RAD54L2: variants seen among roughly 807,000 people sequenced by gnomAD.
The protein encoded by RAD54L2 is RAD54 like 2.
A neutral mutation model predicts 138.4 loss-of-function variants in RAD54L2; 27 were observed. The ratio of observed to expected loss-of-function variants is 0.20; its 90% confidence interval spans 0.14 to 0.27. The LOEUF (loss-of-function observed/expected upper bound fraction) is 0.27, where lower values mean the gene tolerates loss of function less well. Among genes scored for constraint, RAD54L2 ranks in the 10% least tolerant of loss-of-function variants. The pLI, the probability that RAD54L2 is intolerant of heterozygous loss-of-function variation, is 1.00. For synonymous variants in RAD54L2, 644 were observed against 723.2 expected (o/e 0.89, Z 1.76); for missense variants, 1,396 against 1,890.2 (o/e 0.74, Z 4.85).
chr3:51,651,001 G>A (rs1005608261), intron 19 of RAD54L2, among the ~76,000 whole-genome samples: 6 of 152,088 alleles, frequency 3.9e-5, no homozygotes, highest in Admixed American at 6.5e-5. Context: ...TCAGGAGCTG[G>A]TTTTTTGAAA....
intron 3 of RAD54L2, among the ~76,000 whole-genome samples, chr3:51,609,698 TTGTGTG>T (rs5848928): frequency 0.04 from 5,602 of 140,766 alleles, 174 homozygotes; most frequent in African/African-American, 0.086. Flanking sequence ...TTGTGGGCAT[TTGTGTG>T]TGTGTGTGTG....
At chr3:51,557,233 A>G (rs1269319373) in intron 2 of RAD54L2, among the ~76,000 whole-genome samples, 5 of 131,306 alleles carry the variant, frequency 3.8e-5, no homozygotes, top group Non-Finnish European at 1.5e-5. Context: ...TCTGTTGCCC[A>G]GGCTGGCATG....
intron 21 of RAD54L2, 133 bp from the exon 22 acceptor site, chr3:51,659,893 T>C (rs1465314911): frequency 2.0e-5 from 11 of 560,830 alleles, no homozygotes; most frequent in Non-Finnish European, 3.5e-5. Context: ...CCACTTCTTA[T>C]TTCAGGGGTC....
chr3:51,549,977 T>C (rs1001956696), intron 2 of RAD54L2, among the ~76,000 whole-genome samples: 1 of 152,124 alleles, frequency 6.6e-6, no homozygotes, highest in Non-Finnish European at 1.5e-5. Context: ...CCCCAGGTAT[T>C]AGAACCCTTT....
At position 51,638,388 on chromosome 3, in the gene RAD54L2, T is replaced by A; in HGVS notation, c.1860+67T>A. 1 of 1,569,100 alleles carries A rather than the reference T, an allele frequency of 6.4e-7. No homozygotes were observed. Among genetic ancestry groups the A allele is most frequent in the Non-Finnish European group, 8.7e-7 (1 of 1,146,048 alleles). On this transcript the variant is annotated intron_variant, in intron 12 of 22. Coordinates refer to ENST00000684192, the MANE Select transcript of RAD54L2 (RefSeq NM_015106.4). The surrounding 1 kb of genome is among the most constrained non-coding windows in gnomAD (Gnocchi z 4.3). ...ATACACATGGTCCCAAGGGAGTTAC[T>A]CCTACTGAGAGTCTTCAATAAAGGG...
At chr3:51,578,556 CT>C (rs1699533649) in intron 2 of RAD54L2, among the ~76,000 whole-genome samples, 1 of 152,170 alleles carries the variant, frequency 6.6e-6, no homozygotes, top group Admixed American at 6.5e-5. Flanking sequence ...AGGATATTTC[CT>C]TGACCCCCTC....
At chr3:51,580,101 C>CAGT (rs1699573984) in intron 2 of RAD54L2, among the ~76,000 whole-genome samples, 1 of 152,128 alleles carries the variant, frequency 6.6e-6, no homozygotes, top group African/African-American at 2.4e-5. Flanking sequence ...ACAACACCCC[C>CAGT]ACTTTAGACA....
intron 10 of RAD54L2, chr3:51,636,958 G>T (rs932343074): frequency 3.4e-6 from 2 of 588,654 alleles, no homozygotes; most frequent in East Asian, 2.8e-5. Context: ...AGAGTCAACT[G>T]CCAGATTAGC....
In RAD54L2 at chr3:51,663,592, GGC is replaced by G; in HGVS notation, c.*173_*174del. 14 of 101,186 alleles carry G rather than the reference GGC, an allele frequency of 1.4e-4. 1 individual carries two copies. The highest frequency in any genetic ancestry group is 5.7e-4 in the Admixed American group (4 of 7,056). 6.3% of individuals were successfully genotyped at this position (101,186 alleles called of 1,614,324 possible). A position where few individuals can be genotyped will look rare whatever the true frequency, so the allele number is the denominator to read the frequency against. On this transcript the variant is annotated 3_prime_UTR_variant, in exon 23 of 23. Coordinates refer to ENST00000684192, the MANE Select transcript of RAD54L2 (RefSeq NM_015106.4). ...AGCTCTGTTGCTGTTTAACAAAAGA[GGC>G]AAAAAAAAAAAAAAAAAAAAAAAAG...
chr3:51,588,864 ACTC>A (rs891756311), intron 2 of RAD54L2, among the ~76,000 whole-genome samples: 14 of 151,830 alleles, frequency 9.2e-5, no homozygotes, highest in Middle Eastern at 6.8e-3. Flanking sequence ...ACTCCCAGCC[ACTC>A]CTCCTCTGCC....
rs1200172776 is a variant in RAD54L2 at position 51,664,581 on chromosome 3, G to A, written c.*1161G>A. 1.3e-5 allele frequency: 2 copies of A among 152,144 alleles called. No homozygotes were observed. The highest frequency in any genetic ancestry group is 2.4e-5 in the African/African-American group (1 of 41,414). The allele number at this position is 152,144 out of a possible 1,614,324, so 9.4% of individuals were successfully genotyped here. On this transcript the variant is annotated 3_prime_UTR_variant, in exon 23 of 23. Transcript: ENST00000684192. ...GGGAGGTTAGGGGTAAGGAGGGTAG[G>A]TGATAGAAAGGGAAGTTTTAAGATA...
At chr3:51,593,378 G>C (rs1699881522) in intron 3 of RAD54L2, among the ~76,000 whole-genome samples, 1 of 150,962 alleles carries the variant, frequency 6.6e-6, no homozygotes, top group Non-Finnish European at 1.5e-5. Context: ...TGTCGCCCAG[G>C]CTGGAGTGCA....
At chr3:51,603,233 A>G (rs1456144930) in intron 3 of RAD54L2, among the ~76,000 whole-genome samples, 1 of 151,282 alleles carries the variant, frequency 6.6e-6, no homozygotes, top group East Asian at 1.9e-4. Flanking sequence ...CACTTGAGCC[A>G]GGAGGTTGAG....
At chr3:51,610,639 C>CAAA (rs538225499) in intron 3 of RAD54L2, among the ~76,000 whole-genome samples, 1 of 59,074 alleles carries the variant, frequency 1.7e-5, no homozygotes, top group Non-Finnish European at 3.5e-5. Flanking sequence ...GACTCCATCT[C>CAAA]AAAAAAAAAA....
At chr3:51,572,472 G>C (rs747048716) in intron 2 of RAD54L2, among the ~76,000 whole-genome samples, 20 of 147,532 alleles carry the variant, frequency 1.4e-4, no homozygotes, top group Non-Finnish European at 1.9e-4. Context: ...AAAAAAAAAG[G>C]CTGGACATGG....
At chr3:51,605,455 T>TG (rs1370231819) in intron 3 of RAD54L2, among the ~76,000 whole-genome samples, 2 of 147,260 alleles carry the variant, frequency 1.4e-5, no homozygotes, top group African/African-American at 2.5e-5. Flanking sequence ...TTGAGGGTTT[T>TG]TTTTTTTTTT....
chr3:51,549,983 C>G (rs1162561836), intron 2 of RAD54L2, among the ~76,000 whole-genome samples: 2 of 152,078 alleles, frequency 1.3e-5, no homozygotes, highest in Non-Finnish European at 2.9e-5. Flanking sequence ...GTATTAGAAC[C>G]CTTTGCTTCC....
Position 51,639,641 on chromosome 3 carries a change from C to T in RAD54L2, c.2083C>T (p.Arg695Ter). The T allele has an allele frequency of 1.2e-6, 2 of 1,613,708 alleles. No individual in the cohort carries two copies. The highest frequency in any genetic ancestry group is 8.5e-7 in the Non-Finnish European group (1 of 1,179,806). Reference sequence around the variant, plus strand: ...CGTTGGCTTCAACCCTTTCCAGGAGCGAGGCAACAACATTGTCACATATGA... The same window carrying T: ...CGTTGGCTTCAACCCTTTCCAGGAGTGAGGCAACAACATTGTCACATATGA... ...QGVGFNPFQERGNNIVTYEWA... is the reference protein window; with the variant it reads ...QGVGFNPFQE The change falls in exon 13 of 23, where the codon CGA (arginine) becomes TGA (stop). Residue 695 changes from arginine (R) to a stop codon, truncating the protein, a stop_gained. Transcript: ENST00000684192. LOFTEE classifies it high-confidence loss of function.
intron 22 of RAD54L2, 51 bp downstream of exon 22, chr3:51,660,169 T>A: frequency 7.0e-7 from 1 of 1,437,848 alleles, no homozygotes; most frequent in Non-Finnish European, 9.6e-7. Flanking sequence ...ATTTGTTTGC[T>A]TTGTTTTGGT....
Sources: gnomAD v4.1 joint callset for allele counts (sites outside exome capture counted in the v4.1 genomes callset) on GRCh38, gnomAD v4.1.1 for gene constraint, Gnocchi (gnomAD v3.1) non-coding constraint, MANE v1.5 for transcripts, NCBI Gene and HGNC (gene_info 2026-07-23, HGNC 2026-07-21) for gene names.